The following SCAF8 variants were observed in gnomAD, a reference collection of about 807,000 sequenced individuals.
SCAF8 encodes SR-related and CTD-associated factor 8.
Under a neutral mutation model 140.5 loss-of-function variants are expected in SCAF8, and 23 were observed. That is an observed-to-expected ratio of 0.16 (90% confidence interval 0.12 to 0.23). The LOEUF is 0.23. SCAF8 is among the 10% of genes least tolerant of loss of function. SCAF8 has a pLI of 1.00. For synonymous variants in SCAF8, 575 were observed against 528.9 expected (o/e 1.09, Z -1.20); for missense variants, 1,397 against 1,555.7 (o/e 0.90, Z 1.72).
intron 1 of SCAF8, among the ~76,000 whole-genome samples, chr6:154,773,148 CCAT>C (rs1776819691): frequency 1.3e-5 from 2 of 152,144 alleles, no homozygotes; most frequent in South Asian, 4.1e-4. Context: ...TTCTGTGCAA[CCAT>C]CATCACGTTC....
intron 3 of SCAF8, among the ~76,000 whole-genome samples, chr6:154,784,158 T>C (rs1435291428): frequency 7.5e-6 from 1 of 133,284 alleles, no homozygotes; most frequent in East Asian, 2.3e-4. Context: ...TATATATATA[T>C]TTATTTATTT....
Position 154,778,040 on chromosome 6 carries a change from C to G in SCAF8, c.154C>G (p.Gln52Glu). ...HVVQSVEKFI[Q>E]KCKPEYKVPG... ...GGTACAGAGTGTTGAGAAGTTTATT[C>G]AGAAAGTAAGTATATAATTTTCCAT... Residue 52 changes from glutamine to glutamate, a missense_variant, in exon 3 of 20, where the codon CAG becomes GAG. Coordinates refer to ENST00000367178, the MANE Select transcript of SCAF8 (RefSeq NM_014892.5). The G allele has an allele frequency of 6.7e-7, 1 of 1,493,964 alleles. No homozygotes were observed. Among genetic ancestry groups the G allele is most frequent in the Non-Finnish European group, 9.3e-7 (1 of 1,075,152 alleles). The allele number at this position is 1,493,964 out of a possible 1,614,324, so 92.5% of individuals were successfully genotyped here. A position where few individuals can be genotyped will look rare whatever the true frequency, so the allele number is the denominator to read the frequency against.
At chr6:154,798,205 AATC>A (rs2114891156) in intron 6 of SCAF8, among the ~76,000 whole-genome samples, 1 of 151,702 alleles carries the variant, frequency 6.6e-6, no homozygotes, top group African/African-American at 2.4e-5. Flanking sequence ...AATTAATAAG[AATC>A]ATGGGAGAAG....
At chr6:154,810,692 A>C (rs147180009) in intron 12 of SCAF8, among the ~76,000 whole-genome samples, 1 of 152,354 alleles carries the variant, frequency 6.6e-6, no homozygotes, top group East Asian at 1.9e-4. Flanking sequence ...ACGTATGATT[A>C]GAACAGATTC....
Position 154,831,009 on chromosome 6 carries a change from C to T in SCAF8, c.2228C>T (p.Ala743Val), listed in dbSNP as rs1201705305. 1.2e-6 allele frequency: 2 copies of T among 1,613,914 alleles called. No homozygotes were observed. Among genetic ancestry groups the T allele is most frequent in the Non-Finnish European group, 1.7e-6 (2 of 1,179,928 alleles). Reference sequence around the variant, plus strand: ...CTTGTTATACCAGGCGGTTCTGTTGCCAGCAATCTTGCTACTTCCGCTCTG... The same window carrying T: ...CTTGTTATACCAGGCGGTTCTGTTGTCAGCAATCTTGCTACTTCCGCTCTG... The part of the protein sequence containing the change: ...GSLVIPGGSV[A>V]SNLATSALPA... Residue 743 changes from alanine to valine, a missense_variant, in exon 19 of 20, where the codon GCC becomes GTC. By Grantham distance (64) the Ala-to-Val change is moderately conservative. This residue lies in a region of SCAF8 where 930 missense variants were observed against 874.6 expected (regional missense o/e 1.06). Coordinates refer to ENST00000367178, the MANE Select transcript of SCAF8 (RefSeq NM_014892.5).
At chr6:154,786,606 C>G (rs1003527734) in intron 3 of SCAF8, among the ~76,000 whole-genome samples, 2 of 152,202 alleles carry the variant, frequency 1.3e-5, no homozygotes, top group African/African-American at 4.8e-5. Context: ...TAGTTCGGCC[C>G]AGGCCCAGGA....
chr6:154,826,611 A>G (rs1778573508), intron 17 of SCAF8, among the ~76,000 whole-genome samples: 1 of 152,146 alleles, frequency 6.6e-6, no homozygotes, highest in Non-Finnish European at 1.5e-5. Flanking sequence ...GCCGAGTGCC[A>G]TAGTGTGTGC....
intron 1 of SCAF8, among the ~76,000 whole-genome samples, chr6:154,757,966 A>C (rs1779008075): frequency 1.4e-5 from 2 of 146,960 alleles, no homozygotes; most frequent in Admixed American, 7.0e-5. Context: ...GCTGGAGTAC[A>C]GTGGCGTAAT....
chr6:154,765,525 GAGA>G (rs1776538616), intron 1 of SCAF8, among the ~76,000 whole-genome samples: 1 of 152,186 alleles, frequency 6.6e-6, no homozygotes, highest in South Asian at 2.1e-4. Flanking sequence ...AAATATAGCA[GAGA>G]AGTAGATGTC....
chr6:154,814,834 A>C (rs1204570430), intron 12 of SCAF8, among the ~76,000 whole-genome samples: 1 of 152,204 alleles, frequency 6.6e-6, no homozygotes. Context: ...GGCTTTCAAC[A>C]GTTAAGTATC....
At position 154,832,116 on chromosome 6, in the gene SCAF8, C is replaced by A; in HGVS notation, c.2537C>A (p.Pro846Gln). The change falls in exon 20 of 20, where the codon CCA becomes CAA. Residue 846 changes from proline (P) to glutamine (Q), a missense_variant. By Grantham distance (76) the Pro-to-Gln change is moderately conservative. Coordinates refer to ENST00000367178, the MANE Select transcript of SCAF8 (RefSeq NM_014892.5). ...SSSGIIAAQPPNILNNSGILG... is the reference protein window; with the variant it reads ...SSSGIIAAQPQNILNNSGILG... ...TCTGGGATTATTGCAGCCCAACCACCAAATATTCTAAATAACTCTGGAATA... is the reference window on the plus strand; with the variant it reads ...TCTGGGATTATTGCAGCCCAACCACAAAATATTCTAAATAACTCTGGAATA... 1.2e-6 allele frequency: 2 copies of A among 1,614,042 alleles called. No individual in the cohort carries two copies. The highest frequency in any genetic ancestry group is 1.7e-6 in the Non-Finnish European group (2 of 1,179,980).
rs769019763 is a variant in SCAF8, at chr6:154,832,770, C to A, written c.3191C>A (p.Pro1064His). 3 of 1,613,716 alleles carry A rather than the reference C, an allele frequency of 1.9e-6. No individual in the cohort carries two copies. The African/African-American group carries it at 4.0e-5, about 22-fold the overall frequency. ...LDGRDHFGRP[P>H]VDIRENLVRP... ...GGTAGGGATCATTTTGGAAGACCTC[C>A]TGTAGATATAAGAGAGAATCTTGTG... The change falls in exon 20 of 20, where the codon CCT becomes CAT. Residue 1064 changes from proline to histidine, a missense_variant. Pro to His is a moderately conservative substitution (Grantham distance 77). This residue lies in a region of SCAF8 where 930 missense variants were observed against 874.6 expected (regional missense o/e 1.06). Coordinates refer to ENST00000367178, the MANE Select transcript of SCAF8 (RefSeq NM_014892.5).
chr6:154,758,265 C>G (rs1779015717), intron 1 of SCAF8, among the ~76,000 whole-genome samples: 1 of 152,158 alleles, frequency 6.6e-6, no homozygotes, highest in Admixed American at 6.5e-5. Flanking sequence ...AAGACTTCAT[C>G]AAAATCCTCT....
chr6:154,770,907 G>A (rs1207401091), intron 1 of SCAF8, among the ~76,000 whole-genome samples: 6 of 152,008 alleles, frequency 3.9e-5, no homozygotes, highest in Non-Finnish European at 7.4e-5. Flanking sequence ...ACTACACCTG[G>A]GTAATTTTTG....
chr6:154,735,674 C>T (rs1488946034), intron 1 of SCAF8, among the ~76,000 whole-genome samples: 4 of 151,926 alleles, frequency 2.6e-5, no homozygotes, highest in Middle Eastern at 3.4e-3. Context: ...TCACCACGCC[C>T]CGCTAATTTT....
intron 6 of SCAF8, among the ~76,000 whole-genome samples, chr6:154,801,417 A>G (rs982117722): frequency 2.0e-5 from 3 of 151,484 alleles, no homozygotes; most frequent in Non-Finnish European, 3.0e-5. Context: ...TTTCTTATTT[A>G]TAGAATCTCT....
chr6:154,792,516 T>G (rs1583039313), intron 4 of SCAF8, among the ~76,000 whole-genome samples: 1 of 152,086 alleles, frequency 6.6e-6, no homozygotes, highest in Non-Finnish European at 1.5e-5. Context: ...TTAAGACAGA[T>G]CTCCAGCCAG....
intron 1 of SCAF8, among the ~76,000 whole-genome samples, chr6:154,741,794 C>T (rs1378802167): frequency 6.6e-6 from 1 of 152,194 alleles, no homozygotes; most frequent in African/African-American, 2.4e-5. Flanking sequence ...ATATCTCTTT[C>T]TAAGGCCAGT....
At chr6:154,773,865 C>T (rs1438291866) in intron 1 of SCAF8, 124 bp from the exon 2 acceptor site, 3 of 689,968 alleles carry the variant, frequency 4.3e-6, no homozygotes, top group South Asian at 1.8e-5. Flanking sequence ...TGATGTTGAG[C>T]TTGATTTGTA....
Sources: gnomAD v4.1 joint callset for allele counts (sites outside exome capture counted in the v4.1 genomes callset) on GRCh38, gnomAD v4.1.1 for gene constraint, gnomAD v4.1.1 regional missense constraint, MANE v1.5 for transcripts, NCBI Gene and HGNC (gene_info 2026-07-23, HGNC 2026-07-21) for gene names.